Variants in NHSL1 observed in about 807,000 individuals in gnomAD.
NHSL1 encodes NHS-like protein 1.
NHSL1 carries 48 observed loss-of-function variants against 95.0 expected under a neutral mutation model. That is an observed-to-expected ratio of 0.51 (90% confidence interval 0.40 to 0.64). The LOEUF is 0.64. NHSL1 is among the 30% of genes least tolerant of loss of function. The probability of loss-of-function intolerance (pLI) is 0.00; values close to 1 mark genes in which losing one functional copy is unlikely to be tolerated. For synonymous variants in NHSL1, 783 were observed against 833.9 expected (o/e 0.94, Z 1.05); for missense variants, 1,971 against 2,077.7 (o/e 0.95, Z 1.00).
At chr6:138,459,863 T>C (rs1777878409) in intron 3 of NHSL1, among the ~76,000 whole-genome samples, 1 of 152,180 alleles carries the variant, frequency 6.6e-6, no homozygotes, top group African/African-American at 2.4e-5. Flanking sequence ...TATAATTAGA[T>C]TACCTAGTAT....
chr6:138,583,009 G>A (rs568056257), intron 1 of NHSL1, among the ~76,000 whole-genome samples: 3 of 152,152 alleles, frequency 2.0e-5, no homozygotes, highest in Non-Finnish European at 2.9e-5. Context: ...AGTGAATCTC[G>A]GCTGAACTCG....
At chr6:138,527,578 C>T (rs1327835427) in intron 1 of NHSL1, among the ~76,000 whole-genome samples, 1 of 152,108 alleles carries the variant, frequency 6.6e-6, no homozygotes, top group African/African-American at 2.4e-5. Flanking sequence ...TTGTTGAAAG[C>T]ATTTACATAT....
At chr6:138,638,605 A>G (rs1784919364) in intron 1 of NHSL1, among the ~76,000 whole-genome samples, 1 of 152,200 alleles carries the variant, frequency 6.6e-6, no homozygotes. Context: ...CATCAAAAGA[A>G]AAAGAAAAAA....
At chr6:138,606,148 T>C (rs891425197) in intron 1 of NHSL1, among the ~76,000 whole-genome samples, 22 of 152,128 alleles carry the variant, frequency 1.4e-4, no homozygotes, top group Admixed American at 1.2e-3. Context: ...ACCCACAGAA[T>C]GACAAGCCAC....
chr6:138,471,016 C>T (rs553223931), intron 3 of NHSL1, among the ~76,000 whole-genome samples: 70 of 152,154 alleles, frequency 4.6e-4, no homozygotes, highest in South Asian at 3.5e-3. Context: ...CCATTTTCTT[C>T]GCACTCATTT....
intron 1 of NHSL1, among the ~76,000 whole-genome samples, chr6:138,553,727 T>C (rs1049284230): frequency 2.6e-5 from 4 of 152,234 alleles, no homozygotes; most frequent in African/African-American, 9.6e-5. Flanking sequence ...TTAAAACTCA[T>C]TATTAAATGA....
Position 138,462,906 on chromosome 6 carries a change from C to T in NHSL1, c.339+10400G>A, listed in dbSNP as rs570975092. Reference sequence around the variant, plus strand: ...GTGGGCAAAGAAGTGAGTGCAATGGCAGGCCATGTAATATAAGCCAAGGAA... The same window carrying T: ...GTGGGCAAAGAAGTGAGTGCAATGGTAGGCCATGTAATATAAGCCAAGGAA... On this transcript the variant is annotated intron_variant, in intron 3 of 7. Transcript: ENST00000343505. Among the ~76,000 whole-genome samples, 3 of 152,258 alleles carry T rather than the reference C, an allele frequency of 2.0e-5. No homozygotes were observed. The East Asian group carries it at 5.8e-4, about 29-fold the overall frequency.
At chr6:138,676,658 GTTT>G (rs1785452914) in intron 1 of NHSL1, among the ~76,000 whole-genome samples, 1 of 152,002 alleles carries the variant, frequency 6.6e-6, no homozygotes, top group African/African-American at 2.4e-5. Context: ...TTGTTTGTTT[GTTT>G]GTTTGTTTTT....
Position 138,557,354 on chromosome 6 carries a change from G to A in NHSL1, c.202+14356C>T, listed in dbSNP as rs559755904. Among the ~76,000 whole-genome samples the A allele has an allele frequency of 6.1e-4, 93 of 152,052 alleles. 1 individual carries two copies. The highest frequency in any genetic ancestry group is 9.9e-4 in the Non-Finnish European group (67 of 67,948). On this transcript the variant is annotated intron_variant, in intron 1 of 6. Transcript: ENST00000427025. ...AGCACTGCCCACAGGATTGTGGCTC[G>A]GGATCTCATGCATCTTCCAGTCAAT...
Position 138,431,050 on chromosome 6 carries a change from C to G in NHSL1, c.3295G>C (p.Glu1099Gln). 1 of 1,552,116 alleles carries G rather than the reference C, an allele frequency of 6.4e-7. No homozygotes were observed. The highest frequency in any genetic ancestry group is 1.2e-5 in the South Asian group (1 of 84,062). The change falls in exon 6 of 8, where the codon GAA (glutamate) becomes CAA (glutamine). Residue 1099 changes from glutamate (E) to glutamine (Q), a missense_variant. Around this residue, in one of 3 missense-constraint regions of NHSL1, gnomAD observed 1,602 missense variants for 1,654.5 expected, o/e 0.97. Coordinates refer to ENST00000343505, the MANE Select transcript of NHSL1 (RefSeq NM_001144060.2). The surrounding 1 kb of genome is among the most constrained non-coding windows in gnomAD (Gnocchi z 4.0). ...AAQLSERTAQ[E>Q]QRTPVAPQYH... Reference sequence around the variant, plus strand: ...TGTGGAGCAACTGGAGTTCGTTGTTCCTGAGCTGTTCGTTCAGACAACTGT... The same window carrying G: ...TGTGGAGCAACTGGAGTTCGTTGTTGCTGAGCTGTTCGTTCAGACAACTGT...
chr6:138,494,830 T>A (rs1780256119), intron 2 of NHSL1, among the ~76,000 whole-genome samples: 1 of 152,214 alleles, frequency 6.6e-6, no homozygotes, highest in African/African-American at 2.4e-5. Context: ...AAGTTTGGTT[T>A]GTTGTACTAA....
chr6:138,466,247 T>C (rs1778374657), intron 3 of NHSL1, among the ~76,000 whole-genome samples: 1 of 151,544 alleles, frequency 6.6e-6, no homozygotes, highest in Non-Finnish European at 1.5e-5. Flanking sequence ...TTCACCATGT[T>C]AGCCAGGATG....
chr6:138,674,319 G>GT (rs1464797698), intron 1 of NHSL1, among the ~76,000 whole-genome samples: 28 of 150,834 alleles, frequency 1.9e-4, no homozygotes, highest in Admixed American at 4.0e-4. Flanking sequence ...TTTATTGTGT[G>GT]TTTTTTTTTA....
At chr6:138,611,250 T>C (rs1449184101) in intron 1 of NHSL1, among the ~76,000 whole-genome samples, 1 of 152,184 alleles carries the variant, frequency 6.6e-6, no homozygotes, top group African/African-American at 2.4e-5. Flanking sequence ...ACAGGCAGCA[T>C]TTTAATAGTG....
intron 1 of NHSL1, among the ~76,000 whole-genome samples, chr6:138,689,551 T>A (rs1266021019): frequency 3.3e-5 from 5 of 152,344 alleles, no homozygotes; most frequent in East Asian, 1.9e-4. Flanking sequence ...TACATTTTTT[T>A]AAATTGTTCC....
chr6:138,429,582 C>T, intron 7 of NHSL1, 129 bp downstream of exon 7: 1 of 803,948 alleles, frequency 1.2e-6, no homozygotes, highest in Non-Finnish European at 1.9e-6. Context: ...ACTAAAAAAT[C>T]AACAGTAAAG....
chr6:138,521,372 G>A (rs986199233), intron 1 of NHSL1, among the ~76,000 whole-genome samples: 4 of 152,102 alleles, frequency 2.6e-5, no homozygotes, highest in South Asian at 2.1e-4. Flanking sequence ...AGGTTGAAGC[G>A]GGAAGACCCC....
intron 1 of NHSL1, among the ~76,000 whole-genome samples, chr6:138,516,939 T>C (rs1781485514): frequency 6.6e-6 from 1 of 152,168 alleles, no homozygotes; most frequent in South Asian, 2.1e-4. Flanking sequence ...CCAGGCAACA[T>C]GAAAGTTTCC....
chr6:138,436,344 T>A (rs2128207005), intron 5 of NHSL1, among the ~76,000 whole-genome samples: 1 of 152,346 alleles, frequency 6.6e-6, no homozygotes, highest in East Asian at 1.9e-4. Context: ...TTATTGCTGA[T>A]ATGGAGAAAG....
Sources: gnomAD v4.1 joint callset for allele counts (sites outside exome capture counted in the v4.1 genomes callset) on GRCh38, gnomAD v4.1.1 for gene constraint, gnomAD v4.1.1 regional missense constraint, Gnocchi (gnomAD v3.1) non-coding constraint, MANE v1.5 for transcripts, NCBI Gene and HGNC (gene_info 2026-07-23, HGNC 2026-07-21) for gene names.